Variants in LRP1B observed in about 807,000 individuals in gnomAD.
LRP1B encodes the protein LDL receptor related protein 1B, also known as low-density lipoprotein receptor-related protein 1B.
A neutral mutation model predicts 556.6 loss-of-function variants in LRP1B; 217 were observed. The ratio of observed to expected loss-of-function variants is 0.39; its 90% CI spans 0.35 to 0.44. The LOEUF (loss-of-function observed/expected upper bound fraction) is 0.44, where lower values mean the gene tolerates loss of function less well. Ranked by LOEUF, LRP1B falls within the 20% of genes least tolerant of loss-of-function variation. The probability of loss-of-function intolerance (pLI) is 1.00; values close to 1 mark genes in which losing one functional copy is unlikely to be tolerated. For missense variants in LRP1B, 5,053 were observed against 5,620.8 expected (o/e 0.90, Z 3.23); for synonymous variants, 2,047 against 1,865.8 (o/e 1.10, Z -2.50).
chr2:140,274,497 C>T lies in LRP1B; in HGVS notation c.13069G>A (p.Glu4357Lys), dbSNP rs1422402905. 18 of 1,612,778 alleles carry T rather than the reference C, an allele frequency of 1.1e-5. No homozygotes were observed. The highest frequency in any genetic ancestry group is 1.5e-5 in the Non-Finnish European group (18 of 1,179,138). ...TGGCACCTTACACACTTGTCAACCT[C>T]ACATTTTGGTCCTTCATAGCGCGTT... The part of the protein sequence containing the change: ...CPTRYEGPKC[E>K]VDKCVRCHGG... The change falls in exon 85 of 91, where the codon GAG (glutamate) becomes AAG (lysine). Residue 4357 changes from glutamate to lysine, a missense_variant. Glu to Lys is a moderately conservative substitution (Grantham distance 56, BLOSUM62 1). Transcript: ENST00000389484.
chr2:140,324,528 A>G (rs1335867540), intron 80 of LRP1B, among the ~76,000 whole-genome samples: 1 of 152,098 alleles, frequency 6.6e-6, no homozygotes, highest in Non-Finnish European at 1.5e-5. Flanking sequence ...AGTAAATCCA[A>G]AAATAATATT....
chr2:140,456,283 T>C (rs1687104448), intron 62 of LRP1B, among the ~76,000 whole-genome samples, 172 bp downstream of exon 62: 1 of 152,192 alleles, frequency 6.6e-6, no homozygotes. Flanking sequence ...TTTTTGGCCT[T>C]TATTTATTCT....
intron 41 of LRP1B, among the ~76,000 whole-genome samples, chr2:140,676,662 G>A (rs888310266): frequency 5.9e-5 from 9 of 152,018 alleles, no homozygotes; most frequent in Non-Finnish European, 1.3e-4. Context: ...TATGAGATTT[G>A]GATTCTTGAA....
chr2:140,637,745 C>T (rs1035964837), intron 41 of LRP1B, among the ~76,000 whole-genome samples: 2 of 152,170 alleles, frequency 1.3e-5, no homozygotes, highest in Admixed American at 6.5e-5. Flanking sequence ...CCTATAGCTG[C>T]TTTTGAATGG....
At chr2:140,912,201 T>C (rs1377043612) in intron 21 of LRP1B, among the ~76,000 whole-genome samples, 1 of 151,720 alleles carries the variant, frequency 6.6e-6, no homozygotes, top group African/African-American at 2.4e-5. Context: ...AATGTCTAAC[T>C]CATGCACATG....
intron 41 of LRP1B, among the ~76,000 whole-genome samples, chr2:140,668,098 G>A (rs1040579245): frequency 2.0e-5 from 3 of 152,026 alleles, no homozygotes; most frequent in South Asian, 2.1e-4. Flanking sequence ...GGATCACGAC[G>A]TCAGGAGATC....
At chr2:141,166,246 T>C (rs1680248361) in intron 7 of LRP1B, among the ~76,000 whole-genome samples, 1 of 151,958 alleles carries the variant, frequency 6.6e-6, no homozygotes, top group African/African-American at 2.4e-5. Flanking sequence ...TCCCTCTCCA[T>C]GCTTCTGCTC....
intron 49 of LRP1B, among the ~76,000 whole-genome samples, chr2:140,518,166 A>G (rs1333204695): frequency 6.6e-6 from 1 of 152,172 alleles, no homozygotes; most frequent in Non-Finnish European, 1.5e-5. Flanking sequence ...GATAACAAAA[A>G]TTGTAGGCAT....
At chr2:140,330,235 TAA>T (rs1032527136) in intron 79 of LRP1B, among the ~76,000 whole-genome samples, 17 of 131,534 alleles carry the variant, frequency 1.3e-4, no homozygotes, top group African/African-American at 4.5e-4. Flanking sequence ...ATAATAATAA[TAA>T]TAATATGGAG....
At chr2:141,964,904 AAAC>A (rs1456928593) in intron 1 of LRP1B, among the ~76,000 whole-genome samples, 4 of 150,386 alleles carry the variant, frequency 2.7e-5, no homozygotes, top group African/African-American at 7.3e-5. Context: ...TACAAGAAAA[AAAC>A]AAACAACCCC....
intron 14 of LRP1B, among the ~76,000 whole-genome samples, chr2:141,006,125 C>T (rs142854897): frequency 2.5e-3 from 384 of 152,108 alleles, no homozygotes; most frequent in Middle Eastern, 6.8e-3. Context: ...GTATGTGAGG[C>T]ACCCTTGCAG....
At chr2:140,452,586 A>C (rs1686929757) in intron 62 of LRP1B, among the ~76,000 whole-genome samples, 1 of 152,092 alleles carries the variant, frequency 6.6e-6, no homozygotes, top group Non-Finnish European at 1.5e-5. Flanking sequence ...TTATTCCCAT[A>C]TAAGTGACTA....
At position 140,872,627 on chromosome 2, in the gene LRP1B, T is replaced by C. The variant is rs544308807; in HGVS notation, c.4170-4364A>G. Among the ~76,000 whole-genome samples, 4 of 152,030 alleles carry C rather than the reference T, an allele frequency of 2.6e-5. No homozygotes were observed. In the East Asian group the frequency reaches 5.8e-4, roughly 22 times the overall value. On this transcript the variant is annotated intron_variant, in intron 25 of 90. Transcript: ENST00000389484. ...TATCTAAATAAATGTGGTCTCCTTA[T>C]ATAACCCTATGATAGATTTGTTTAA...
chr2:140,580,030 C>A (rs1681699883), intron 43 of LRP1B, among the ~76,000 whole-genome samples: 1 of 152,122 alleles, frequency 6.6e-6, no homozygotes, highest in Non-Finnish European at 1.5e-5. Context: ...ACCCACCACC[C>A]ACTTGGAAAG....
intron 41 of LRP1B, among the ~76,000 whole-genome samples, chr2:140,665,350 G>C (rs2105347433): frequency 6.6e-6 from 1 of 152,244 alleles, no homozygotes; most frequent in African/African-American, 2.4e-5. Context: ...AATAGTTTTA[G>C]AGTTCACATT....
chr2:141,152,120 CT>C (rs1347026975), intron 7 of LRP1B, among the ~76,000 whole-genome samples: 1 of 151,550 alleles, frequency 6.6e-6, no homozygotes, highest in East Asian at 1.9e-4. Context: ...TATTTCTTCT[CT>C]TTTTTTTAAG....
chr2:140,753,220 TTG>T (rs1688642420), intron 35 of LRP1B, among the ~76,000 whole-genome samples: 1 of 152,178 alleles, frequency 6.6e-6, no homozygotes, highest in African/African-American at 2.4e-5. Context: ...TACTTAACAA[TTG>T]ATGTTCAGCT....
chr2:141,453,981 A>G (rs183553492), intron 3 of LRP1B, among the ~76,000 whole-genome samples: 2 of 152,138 alleles, frequency 1.3e-5, no homozygotes, highest in Admixed American at 1.3e-4. Flanking sequence ...CACCTCATCC[A>G]TTATCTAAAG....
intron 2 of LRP1B, among the ~76,000 whole-genome samples, chr2:141,738,572 C>T (rs1338702206): frequency 1.3e-5 from 2 of 152,112 alleles, no homozygotes; most frequent in Non-Finnish European, 2.9e-5. Context: ...TGAATCTTAT[C>T]TTTGTTTAGA....
Sources: gnomAD v4.1 joint callset for allele counts (sites outside exome capture counted in the v4.1 genomes callset) on GRCh38, gnomAD v4.1.1 for gene constraint, MANE v1.5 for transcripts, NCBI Gene and HGNC (gene_info 2026-07-23, HGNC 2026-07-21) for gene names.